Variants in DEPDC1B observed in about 807,000 individuals in gnomAD.
DEPDC1B encodes the protein DEP domain containing 1B.
DEPDC1B carries 51 observed loss-of-function variants against 66.5 expected under a neutral mutation model. The observed-to-expected ratio is 0.77, with a 90% CI of 0.61 to 0.97. The LOEUF (loss-of-function observed/expected upper bound fraction) is 0.97, where lower values mean the gene tolerates loss of function less well. DEPDC1B is among the 50% of genes least tolerant of loss of function. DEPDC1B has a pLI of 0.00. For synonymous variants in DEPDC1B, 226 were observed against 223.6 expected, an observed-to-expected ratio of 1.01 and a Z score of -0.10; for missense variants, 552 against 637.1, an observed-to-expected ratio of 0.87 and a Z score of 1.44.
At chr5:60,642,403 CA>C (rs1753210348) in intron 6 of DEPDC1B, among the ~76,000 whole-genome samples, 1 of 152,182 alleles carries the variant, frequency 6.6e-6, no homozygotes, top group African/African-American at 2.4e-5. Context: ...ATATGGAAAT[CA>C]CATGCCTATG....
At chr5:60,649,080 C>T (rs1340819173) in intron 2 of DEPDC1B, among the ~76,000 whole-genome samples, 6 of 152,194 alleles carry the variant, frequency 3.9e-5, no homozygotes, top group Admixed American at 6.5e-5. Flanking sequence ...CTAATGCCCT[C>T]TGTTTATTCT....
chr5:60,657,422 A>C, intron 2 of DEPDC1B, among the ~76,000 whole-genome samples: 1 of 151,990 alleles, frequency 6.6e-6, no homozygotes, highest in East Asian at 1.9e-4. Flanking sequence ...AAGAGGTTCT[A>C]TTTTGGTGTA....
intron 7 of DEPDC1B, among the ~76,000 whole-genome samples, chr5:60,637,773 T>C (rs1457630286): frequency 6.6e-6 from 1 of 152,232 alleles, no homozygotes; most frequent in African/African-American, 2.4e-5. Context: ...CTGACTCTTA[T>C]TTACATGATT....
intron 7 of DEPDC1B, among the ~76,000 whole-genome samples, chr5:60,611,666 C>T (rs570113592): frequency 6.4e-4 from 97 of 152,180 alleles, no homozygotes; most frequent in Non-Finnish European, 1.1e-3. Flanking sequence ...AAGATCCAAC[C>T]AATCACAACA....
rs1395634365 is a variant in DEPDC1B at position 60,605,857 on chromosome 5, C to G, written c.899-1G>C. On this transcript the variant is annotated splice_acceptor_variant, in intron 7 of 10. Transcript: ENST00000265036. LOFTEE classifies it high-confidence loss of function. The stretch of plus-strand genomic sequence containing the variant: ...GCCACTTTCTCCTTCTGTAACAAAC[C>G]TGATTTAGAAAAAAAAAAATGTTAT... 1.9e-6 allele frequency: 3 copies of G among 1,600,478 alleles called. No individual in the cohort carries two copies. In the South Asian group the frequency reaches 3.4e-5, roughly 18 times the overall value.
rs747869194 is a variant in DEPDC1B at position 60,687,087 on chromosome 5, G to T, written c.189C>A (p.Phe63Leu). ...LHELLRCSQN[F>L]GPEVTRKQTV... is the part of the protein sequence containing the mutation. ...TTTGTTTGCGGGTCACTTCAGGGCC[G>T]AAGTTTTGACTGCACCTCAGCAGCT... Residue 63 changes from phenylalanine to leucine, a missense_variant, in exon 2 of 11, where the codon TTC becomes TTA. By Grantham distance (22) the Phe-to-Leu change is conservative. Transcript: ENST00000265036. 3 of 1,614,058 alleles carry T rather than the reference G, an allele frequency of 1.9e-6. No homozygotes were observed. The highest frequency in any genetic ancestry group is 2.5e-6 in the Non-Finnish European group (3 of 1,180,030).
intron 2 of DEPDC1B, among the ~76,000 whole-genome samples, chr5:60,652,326 A>T (rs989266321): frequency 1.3e-5 from 2 of 148,996 alleles, no homozygotes; most frequent in Non-Finnish European, 2.9e-5. Context: ...GTCAGCCAAA[A>T]CCGGTCTGGA....
chr5:60,646,576 A>T (rs1470606563), intron 3 of DEPDC1B, among the ~76,000 whole-genome samples: 1 of 152,200 alleles, frequency 6.6e-6, no homozygotes. Context: ...ATTCAGAGGA[A>T]AAAAATGGAT....
chr5:60,631,700 G>A (rs781230371), intron 7 of DEPDC1B, among the ~76,000 whole-genome samples: 6 of 152,154 alleles, frequency 3.9e-5, no homozygotes, highest in Admixed American at 6.5e-5. Context: ...CTATTACATA[G>A]AATAAATTGC....
chr5:60,670,111 G>A (rs977893375), intron 2 of DEPDC1B, among the ~76,000 whole-genome samples: 2 of 152,146 alleles, frequency 1.3e-5, no homozygotes, highest in African/African-American at 2.4e-5. Context: ...CAGGCAGGGC[G>A]CAGTGGCTCA....
intron 2 of DEPDC1B, among the ~76,000 whole-genome samples, chr5:60,655,018 T>A (rs984415191): frequency 6.7e-6 from 1 of 149,234 alleles, no homozygotes; most frequent in African/African-American, 2.5e-5. Flanking sequence ...GCTGTTGGAT[T>A]CGGTTAGGTA....
chr5:60,663,212 G>A (rs115111133), intron 2 of DEPDC1B, among the ~76,000 whole-genome samples: 8,725 of 152,156 alleles, frequency 0.057, 324 homozygotes, highest in Non-Finnish European at 0.09. Flanking sequence ...AACAATGCCC[G>A]TCCCGTTCAA....
intron 7 of DEPDC1B, among the ~76,000 whole-genome samples, chr5:60,613,059 T>C (rs1252772032): frequency 6.6e-6 from 1 of 152,230 alleles, no homozygotes; most frequent in Non-Finnish European, 1.5e-5. Context: ...TCTCATGAGA[T>C]ATTCATTGCG....
chr5:60,617,879 T>C (rs1434195889), intron 7 of DEPDC1B, among the ~76,000 whole-genome samples: 2 of 152,170 alleles, frequency 1.3e-5, no homozygotes, highest in Non-Finnish European at 2.9e-5. Flanking sequence ...ACTGACCACA[T>C]AGTTGGAAGT....
At chr5:60,666,840 G>C (rs936969314) in intron 2 of DEPDC1B, among the ~76,000 whole-genome samples, 2 of 152,140 alleles carry the variant, frequency 1.3e-5, no homozygotes, top group African/African-American at 4.8e-5. Flanking sequence ...ACCTCATGTA[G>C]AAAGAGAGGT....
intron 7 of DEPDC1B, among the ~76,000 whole-genome samples, chr5:60,633,448 T>C (rs532492359): frequency 6.6e-6 from 1 of 152,302 alleles, no homozygotes; most frequent in Non-Finnish European, 1.5e-5. Flanking sequence ...AAGAAAGCTA[T>C]GCTGGAGGCT....
chr5:60,653,309 G>A (rs994701027), intron 2 of DEPDC1B, among the ~76,000 whole-genome samples: 1 of 149,082 alleles, frequency 6.7e-6, no homozygotes, highest in Non-Finnish European at 1.5e-5. Flanking sequence ...GGAGTACAGT[G>A]GTATCACATT....
At chr5:60,620,126 T>A (rs1752667868) in intron 7 of DEPDC1B, among the ~76,000 whole-genome samples, 1 of 152,142 alleles carries the variant, frequency 6.6e-6, no homozygotes, top group African/African-American at 2.4e-5. Flanking sequence ...TTACACCTTA[T>A]ACAAAAATTA....
chr5:60,620,645 T>G (rs1402932611), intron 7 of DEPDC1B, among the ~76,000 whole-genome samples: 1 of 152,106 alleles, frequency 6.6e-6, no homozygotes, highest in Non-Finnish European at 1.5e-5. Context: ...AAACAACAGG[T>G]GCTGGAGAGG....
Sources: allele counts gnomAD v4.1 joint callset (sites outside exome capture counted in the v4.1 genomes callset), GRCh38; gene constraint gnomAD v4.1.1; transcripts MANE v1.5; gene names NCBI Gene and HGNC (gene_info 2026-07-23, HGNC 2026-07-21).